The following SH3PXD2B variants were observed in gnomAD, a reference collection of about 807,000 sequenced individuals.
SH3PXD2B encodes the protein SH3 and PX domain-containing protein 2B.
SH3PXD2B carries 37 observed loss-of-function variants against 73.1 expected under a neutral mutation model. The observed-to-expected ratio is 0.51, with a 90% CI of 0.39 to 0.67. The LOEUF is 0.67. SH3PXD2B is among the 30% of genes least tolerant of loss of function. The pLI is 0.00. For synonymous variants in SH3PXD2B, 457 were observed against 480.5 expected (o/e 0.95, Z 0.64); for missense variants, 1,053 against 1,197.8 (o/e 0.88, Z 1.78).
chr5:172,424,945 T>C (rs74756057), intron 1 of SH3PXD2B, among the ~76,000 whole-genome samples: 5,806 of 152,212 alleles, frequency 0.038, 197 homozygotes, highest in South Asian at 0.19. Context: ...ACAGGCTCCT[T>C]TGACACCAAG....
intron 4 of SH3PXD2B, among the ~76,000 whole-genome samples, chr5:172,386,574 G>A (rs1303490881): frequency 8.1e-6 from 1 of 123,786 alleles, no homozygotes; most frequent in Non-Finnish European, 1.6e-5. Flanking sequence ...TGTTGTTGTT[G>A]TTGTTTTATT....
chr5:172,369,810 C>T (rs1488689459), intron 6 of SH3PXD2B, among the ~76,000 whole-genome samples: 1 of 149,276 alleles, frequency 6.7e-6, no homozygotes, highest in African/African-American at 2.5e-5. Flanking sequence ...CCCCTCCCCA[C>T]CCCGCCCCAG....
intron 4 of SH3PXD2B, among the ~76,000 whole-genome samples, chr5:172,390,910 C>T (rs1251169719): frequency 3.3e-5 from 5 of 151,326 alleles, no homozygotes; most frequent in South Asian, 2.1e-4. Context: ...GACACGATCT[C>T]GGCTCACCGC....
intron 1 of SH3PXD2B, among the ~76,000 whole-genome samples, chr5:172,446,559 C>T (rs1004578134): frequency 2.4e-4 from 37 of 152,210 alleles, no homozygotes; most frequent in African/African-American, 8.4e-4. Flanking sequence ...GCAAGCAGGA[C>T]GTGAGTGTCA....
At chr5:172,367,158 G>C (rs1232184571) in intron 6 of SH3PXD2B, among the ~76,000 whole-genome samples, 1 of 149,592 alleles carries the variant, frequency 6.7e-6, no homozygotes, top group Non-Finnish European at 1.5e-5. Flanking sequence ...GGCTGGTCTC[G>C]AACTCTTGAC....
chr5:172,347,369 C>T, intron 10 of SH3PXD2B, 37 bp from the exon 11 acceptor site: 1 of 1,607,778 alleles, frequency 6.2e-7, no homozygotes, highest in Non-Finnish European at 8.5e-7. Context: ...TCTTGTGCTA[C>T]AGATGAGATT....
chr5:172,428,178 C>T lies in SH3PXD2B; in HGVS notation c.76-5682G>A, dbSNP rs559388368. Among the ~76,000 whole-genome samples the T allele has an allele frequency of 5.9e-5, 9 of 152,326 alleles. No individual in the cohort carries two copies. The South Asian group carries it at 1.9e-3, about 32-fold the overall frequency. On this transcript the variant is annotated intron_variant, in intron 1 of 12. Transcript: ENST00000311601. ...TTTCTCCATGGCACAGCCTTCAAAA[C>T]ATGAGCTGCACATCTGAGAAACAAC...
At chr5:172,371,662 G>A (rs749137623) in intron 6 of SH3PXD2B, among the ~76,000 whole-genome samples, 13 of 140,074 alleles carry the variant, frequency 9.3e-5, no homozygotes, top group East Asian at 2.1e-4. Context: ...GGTGAATGAC[G>A]TAACAGCAGT....
Position 172,347,290 on chromosome 5 carries a change from A to G in SH3PXD2B, c.1055T>C (p.Met352Thr). 2 of 1,614,124 alleles carry G rather than the reference A, an allele frequency of 1.2e-6. No homozygotes were observed. Among genetic ancestry groups the G allele is most frequent in the East Asian group, 2.2e-5 (1 of 44,874 alleles). The change falls in exon 11 of 13, where the codon ATG (methionine) becomes ACG (threonine). Residue 352 changes from methionine to threonine, a missense_variant. Met to Thr is a moderately conservative substitution (Grantham distance 81, BLOSUM62 -1). Around this residue, in one of 2 missense-constraint regions of SH3PXD2B, gnomAD observed 466 missense variants for 607.1 expected, o/e 0.77. Transcript: ENST00000311601. ...MRQRPPPRRD[M>T]TIPRGLNLPK... is the part of the protein sequence containing the mutation. ...TAGCGAGGATCCACTTACAATGGTC[A>G]TGTCCCGGCGAGGAGGGGGTCTCTG... is the stretch of plus-strand genomic sequence containing the variant.
chr5:172,376,033 T>C (rs1321937107), intron 5 of SH3PXD2B, among the ~76,000 whole-genome samples: 3 of 149,544 alleles, frequency 2.0e-5, no homozygotes, highest in East Asian at 1.9e-4. Context: ...GTATCTTCTT[T>C]TTTTTTTTTT....
chr5:172,368,630 AAT>A (rs1467073841), intron 6 of SH3PXD2B, among the ~76,000 whole-genome samples: 5 of 11,552 alleles, frequency 4.3e-4, no homozygotes, highest in Admixed American at 2.0e-3. Context: ...ATATATATAT[AAT>A]ATATATGTTA....
chr5:172,363,201 C>T (rs1757436825), intron 6 of SH3PXD2B, among the ~76,000 whole-genome samples: 1 of 151,888 alleles, frequency 6.6e-6, no homozygotes. Context: ...CATCCATCCT[C>T]CATTATCCAT....
Position 172,347,316 on chromosome 5 carries a change from C to T in SH3PXD2B, c.1029G>A (p.Arg343=), listed in dbSNP as rs765844517. 1.1e-5 allele frequency: 18 copies of T among 1,614,090 alleles called. No individual in the cohort carries two copies. The East Asian group carries it at 3.8e-4, about 34-fold the overall frequency. The change falls in exon 11 of 13, where the codon AGG becomes AGA. Residue 343 remains arginine, a synonymous_variant. Coordinates refer to ENST00000311601, the MANE Select transcript of SH3PXD2B (RefSeq NM_001017995.3). ...TGTCCCGGCGAGGAGGGGGTCTCTG[C>T]CTCATCTTTGGTGATCCTATGGAGA... ...GDAKQRSPKM[R]QRPPPRRDMT...
At chr5:172,384,287 G>C (rs947354720) in intron 4 of SH3PXD2B, among the ~76,000 whole-genome samples, 4 of 151,938 alleles carry the variant, frequency 2.6e-5, no homozygotes, top group African/African-American at 9.7e-5. Context: ...CCTTTTACAG[G>C]GCTTTGGGGA....
intron 1 of SH3PXD2B, among the ~76,000 whole-genome samples, chr5:172,435,261 A>G (rs1234637766): frequency 6.6e-6 from 1 of 152,196 alleles, no homozygotes; most frequent in Non-Finnish European, 1.5e-5. Context: ...TTTAAAAGTA[A>G]TTTAAGTAAA....
At chr5:172,408,695 TTTA>T (rs1007927257) in intron 2 of SH3PXD2B, among the ~76,000 whole-genome samples, 15 of 151,840 alleles carry the variant, frequency 9.9e-5, no homozygotes, top group Admixed American at 7.9e-4. Context: ...CCTGCCTAAC[TTTA>T]TTTTTAGTAG....
downstream of SH3PXD2B, among the ~76,000 whole-genome samples, chr5:172,332,436 A>T (rs1426217692): frequency 6.8e-6 from 1 of 146,118 alleles, no homozygotes; most frequent in African/African-American, 2.5e-5. Flanking sequence ...TTTTTTTTTT[A>T]AACTTTGAGT....
At chr5:172,387,592 T>C (rs1327575665) in intron 4 of SH3PXD2B, among the ~76,000 whole-genome samples, 1 of 152,202 alleles carries the variant, frequency 6.6e-6, no homozygotes, top group African/African-American at 2.4e-5. Flanking sequence ...GAGCTGATCC[T>C]GCCTCTAGAA....
intron 12 of SH3PXD2B, among the ~76,000 whole-genome samples, chr5:172,343,936 C>G (rs182500022): frequency 2.0e-5 from 3 of 151,930 alleles, no homozygotes; most frequent in Admixed American, 2.0e-4. Context: ...ACCTAACCCC[C>G]CTGAGTCTCA....
Sources: gnomAD v4.1 joint callset for allele counts (sites outside exome capture counted in the v4.1 genomes callset) on GRCh38, gnomAD v4.1.1 for gene constraint, gnomAD v4.1.1 regional missense constraint, MANE v1.5 for transcripts, NCBI Gene and HGNC (gene_info 2026-07-23, HGNC 2026-07-21) for gene names.